The following GRID2 variants were observed in gnomAD, a reference collection of about 807,000 sequenced individuals.
The protein encoded by GRID2 is glutamate receptor ionotropic, delta-2.
GRID2 carries 33 observed loss-of-function variants against 114.8 expected under a neutral mutation model. The ratio of observed to expected loss-of-function variants is 0.29; its 90% CI spans 0.22 to 0.38. The LOEUF (loss-of-function observed/expected upper bound fraction) is 0.38, where lower values mean the gene tolerates loss of function less well. Among genes scored for constraint, GRID2 ranks in the 10% least tolerant of loss-of-function variants. The pLI is 1.00. For missense variants in GRID2, 1,184 were observed against 1,257.7 expected (o/e 0.94, Z 0.89); for synonymous variants, 505 against 449.9 (o/e 1.12, Z -1.55).
chr4:92,974,368 C>T (rs1229719352), intron 2 of GRID2, among the ~76,000 whole-genome samples: 4 of 152,038 alleles, frequency 2.6e-5, no homozygotes, highest in African/African-American at 4.8e-5. Context: ...AATCATTCTA[C>T]GATAAAGACA....
chr4:93,588,647 T>A (rs1289573295), intron 13 of GRID2, among the ~76,000 whole-genome samples: 1 of 152,146 alleles, frequency 6.6e-6, no homozygotes, highest in Non-Finnish European at 1.5e-5. Context: ...AATGAGAAAC[T>A]TCCTTTAAAG....
intron 14 of GRID2, among the ~76,000 whole-genome samples, chr4:93,655,063 C>A (rs1206861081): frequency 2.0e-5 from 3 of 152,090 alleles, no homozygotes; most frequent in African/African-American, 7.2e-5. Flanking sequence ...TTTGATCTTA[C>A]CCATACTTCA....
At chr4:92,890,210 A>G (rs973278441) in intron 2 of GRID2, among the ~76,000 whole-genome samples, 8 of 152,186 alleles carry the variant, frequency 5.3e-5, no homozygotes, top group Non-Finnish European at 8.8e-5. Flanking sequence ...GTGTGGGCAA[A>G]GATTTCATGA....
chr4:92,601,090 A>G (rs367648560), intron 2 of GRID2, among the ~76,000 whole-genome samples: 8 of 152,136 alleles, frequency 5.3e-5, no homozygotes, highest in African/African-American at 1.7e-4. Context: ...AGTTGCTGAA[A>G]TTCCTGCAGG....
chr4:93,146,120 A>G (rs1323398760), intron 4 of GRID2, among the ~76,000 whole-genome samples: 1 of 152,164 alleles, frequency 6.6e-6, no homozygotes, highest in Non-Finnish European at 1.5e-5. Flanking sequence ...TGAATTATGT[A>G]GAAGGCCTAA....
At chr4:93,543,147 C>A (rs1732820821) in intron 13 of GRID2, among the ~76,000 whole-genome samples, 1 of 152,126 alleles carries the variant, frequency 6.6e-6, no homozygotes, top group Non-Finnish European at 1.5e-5. Flanking sequence ...ATGAAAAACA[C>A]CCTACTTTTG....
At chr4:93,799,178 A>G (rs575946609) in intron 1 of GRID2, among the ~76,000 whole-genome samples, 2 of 152,332 alleles carry the variant, frequency 1.3e-5, no homozygotes, top group South Asian at 4.1e-4. Context: ...TCGTATTTAT[A>G]AAAGTTTACT....
At chr4:92,793,439 G>A (rs953618044) in intron 2 of GRID2, among the ~76,000 whole-genome samples, 1 of 151,310 alleles carries the variant, frequency 6.6e-6, no homozygotes, top group African/African-American at 2.4e-5. Flanking sequence ...AATAACTAAT[G>A]GGTACTAGGC....
intron 8 of GRID2, among the ~76,000 whole-genome samples, chr4:93,282,079 T>C (rs2149587076): frequency 6.6e-6 from 1 of 152,184 alleles, no homozygotes; most frequent in African/African-American, 2.4e-5. Context: ...ATTTATTTCT[T>C]TCCTTTTACT....
chr4:93,715,424 C>T (rs1041079059), intron 14 of GRID2, among the ~76,000 whole-genome samples: 4 of 152,048 alleles, frequency 2.6e-5, no homozygotes, highest in East Asian at 1.9e-4. Flanking sequence ...ACTCTTTTGT[C>T]GTTCCATATG....
chr4:93,083,253 A>C (rs947629222), intron 2 of GRID2, among the ~76,000 whole-genome samples: 12 of 152,310 alleles, frequency 7.9e-5, no homozygotes, highest in African/African-American at 2.4e-4. Flanking sequence ...CAAAATAATG[A>C]AATAAAAATT....
chr4:93,752,295 C>T (rs1170958851), intron 14 of GRID2, among the ~76,000 whole-genome samples: 1 of 152,134 alleles, frequency 6.6e-6, no homozygotes, highest in African/African-American at 2.4e-5. Flanking sequence ...CTTGCCAGTA[C>T]ATAGTCAGGA....
intron 3 of GRID2, among the ~76,000 whole-genome samples, chr4:93,104,680 G>A (rs1732030518): frequency 6.6e-6 from 1 of 152,132 alleles, no homozygotes. Flanking sequence ...GTGTATATGT[G>A]TCACATTTTC....
intron 2 of GRID2, among the ~76,000 whole-genome samples, chr4:92,983,755 C>T (rs537330474): frequency 6.6e-6 from 1 of 151,976 alleles, no homozygotes; most frequent in African/African-American, 2.4e-5. Flanking sequence ...GCCTTATTTG[C>T]CTCCTCTTCT....
chr4:92,490,112 C>G (rs773429538), intron 1 of GRID2, among the ~76,000 whole-genome samples: 22 of 152,210 alleles, frequency 1.4e-4, no homozygotes, highest in Non-Finnish European at 2.9e-4. Context: ...TTTGGAACTA[C>G]AAATTCTGTT....
chr4:92,984,459 C>T (rs1024577839), intron 2 of GRID2, among the ~76,000 whole-genome samples: 85 of 152,350 alleles, frequency 5.6e-4, no homozygotes, highest in African/African-American at 2.0e-3. Context: ...TAGAGAAAGA[C>T]TGGCTTGTAT....
At chr4:93,539,867 T>G (rs1037509791) in intron 13 of GRID2, among the ~76,000 whole-genome samples, 2 of 152,042 alleles carry the variant, frequency 1.3e-5, no homozygotes, top group Non-Finnish European at 2.9e-5. Context: ...CCTTGTGTTC[T>G]GAAATTTTAC....
chr4:92,557,257 T>C (rs191102038), intron 1 of GRID2, among the ~76,000 whole-genome samples: 1 of 152,078 alleles, frequency 6.6e-6, no homozygotes, highest in Admixed American at 6.6e-5. Flanking sequence ...TTTCAAATTC[T>C]ACTATAGACA....
chr4:92,397,621 T>A (rs967685703), intron 1 of GRID2, among the ~76,000 whole-genome samples: 1 of 152,132 alleles, frequency 6.6e-6, no homozygotes, highest in Non-Finnish European at 1.5e-5. Flanking sequence ...ATGTTACTGT[T>A]GCAGCATAGA....
Sources: allele counts gnomAD v4.1 joint callset (sites outside exome capture counted in the v4.1 genomes callset), GRCh38; gene constraint gnomAD v4.1.1; transcripts MANE v1.5; gene names NCBI Gene and HGNC (gene_info 2026-07-23, HGNC 2026-07-21).